The following TAFA2 variants were observed in gnomAD, a reference collection of about 807,000 sequenced individuals.
TAFA2 encodes the protein TAFA chemokine like family member 2.
In TAFA2, 7 loss-of-function variants were observed where a neutral mutation model predicts 18.8. The ratio of observed to expected loss-of-function variants is 0.37; its 90% CI spans 0.21 to 0.70. The LOEUF is 0.70. Ranked by LOEUF, TAFA2 falls within the 30% of genes least tolerant of loss-of-function variation. TAFA2 has a pLI of 0.53. For synonymous variants in TAFA2, 60 were observed against 54.2 expected (o/e 1.11, Z -0.47); for missense variants, 122 against 158.1 (o/e 0.77, Z 1.23).
intron 1 of TAFA2, among the ~76,000 whole-genome samples, chr12:62,108,826 A>T (rs1869585929): frequency 6.6e-6 from 1 of 152,018 alleles, no homozygotes; most frequent in Non-Finnish European, 1.5e-5. Flanking sequence ...CCACTTTTTG[A>T]AGGAGTTGTT....
intron 1 of TAFA2, among the ~76,000 whole-genome samples, chr12:62,083,914 T>G (rs1235560105): frequency 6.6e-6 from 1 of 152,186 alleles, no homozygotes; most frequent in Non-Finnish European, 1.5e-5. Context: ...CACACTGCTG[T>G]TATTTGGAGA....
chr12:62,160,641 G>A (rs773980307), intron 1 of TAFA2, among the ~76,000 whole-genome samples: 6 of 152,152 alleles, frequency 3.9e-5, no homozygotes, highest in African/African-American at 7.2e-5. Context: ...TATGACAGAC[G>A]CTTCTGACTT....
At chr12:62,024,281 A>G (rs751714917) in intron 1 of TAFA2, among the ~76,000 whole-genome samples, 53 of 152,182 alleles carry the variant, frequency 3.5e-4, no homozygotes, top group Admixed American at 6.5e-5. Context: ...ACCTGACTGT[A>G]GTATATTAAT....
chr12:62,205,556 A>G (rs1431258850), intron 1 of TAFA2, among the ~76,000 whole-genome samples: 1 of 152,112 alleles, frequency 6.6e-6, no homozygotes, highest in Non-Finnish European at 1.5e-5. Context: ...GGGAGGCCCC[A>G]CCCAGTGAGG....
intron 1 of TAFA2, among the ~76,000 whole-genome samples, chr12:62,151,828 G>T (rs11174352): frequency 0.056 from 8,485 of 152,206 alleles, 328 homozygotes; most frequent in South Asian, 0.1. Context: ...TATATTTACG[G>T]GGTTAAGAAT....
intron 1 of TAFA2, among the ~76,000 whole-genome samples, chr12:61,980,433 A>G (rs2136675799): frequency 6.6e-6 from 1 of 152,324 alleles, no homozygotes; most frequent in South Asian, 2.1e-4. Context: ...CTCCTATTCA[A>G]CAAAGTATTG....
intron 1 of TAFA2, among the ~76,000 whole-genome samples, chr12:62,098,887 T>C (rs1294548005): frequency 1.3e-5 from 2 of 152,200 alleles, no homozygotes; most frequent in African/African-American, 4.8e-5. Context: ...GATTTAGTTC[T>C]AGCAGCAGAA....
At chr12:61,925,684 T>A (rs1877258287) in intron 1 of TAFA2, among the ~76,000 whole-genome samples, 4 of 152,158 alleles carry the variant, frequency 2.6e-5, no homozygotes. Context: ...CCAGAATCTC[T>A]GTGACACAGC....
At chr12:62,198,276 T>G (rs2062657163) in intron 1 of TAFA2, 1 of 152,190 alleles carries the variant, frequency 6.6e-6, no homozygotes, top group Non-Finnish European at 1.5e-5. Flanking sequence ...CAGTCATTGA[T>G]TTTTTGTTTG....
chr12:62,173,742 A>G (rs967383887), intron 1 of TAFA2, among the ~76,000 whole-genome samples: 2 of 152,138 alleles, frequency 1.3e-5, no homozygotes, highest in African/African-American at 4.8e-5. Flanking sequence ...GAAATTCATC[A>G]TTTTCTTTAA....
chr12:61,870,561 AT>A (rs1203175029), intron 1 of TAFA2, among the ~76,000 whole-genome samples: 5 of 152,098 alleles, frequency 3.3e-5, no homozygotes, highest in African/African-American at 4.8e-5. Flanking sequence ...TCAGCAGAAT[AT>A]TTTTTTAAGC....
intron 1 of TAFA2, among the ~76,000 whole-genome samples, chr12:61,928,098 T>C (rs1018145833): frequency 6.6e-6 from 1 of 152,214 alleles, no homozygotes; most frequent in African/African-American, 2.4e-5. Context: ...GACATAGGCA[T>C]GGCCAAAGAC....
At chr12:62,136,373 T>C (rs903230174) in intron 1 of TAFA2, among the ~76,000 whole-genome samples, 1 of 152,144 alleles carries the variant, frequency 6.6e-6, no homozygotes, top group Non-Finnish European at 1.5e-5. Context: ...GTCTTCTTTA[T>C]GATTCTTCTG....
intron 2 of TAFA2, among the ~76,000 whole-genome samples, chr12:61,836,355 C>T (rs1872919539): frequency 6.6e-6 from 1 of 151,834 alleles, no homozygotes; most frequent in African/African-American, 2.4e-5. Context: ...GCTAAAGAAT[C>T]TGCATTCAGA....
chr12:61,749,142 G>A (rs1192734568), intron 4 of TAFA2, among the ~76,000 whole-genome samples: 1 of 151,836 alleles, frequency 6.6e-6, no homozygotes, highest in South Asian at 2.1e-4. Flanking sequence ...GTGTGGTGGG[G>A]CATGCCAGTA....
chr12:61,884,289 C>T (rs1458696685), intron 1 of TAFA2, among the ~76,000 whole-genome samples: 1 of 152,122 alleles, frequency 6.6e-6, no homozygotes, highest in East Asian at 1.9e-4. Context: ...ACCAGCGAGG[C>T]ACTGGGGGAC....
chr12:62,180,497 T>C (rs1020214336), intron 1 of TAFA2, among the ~76,000 whole-genome samples: 6 of 152,184 alleles, frequency 3.9e-5, no homozygotes, highest in Non-Finnish European at 7.4e-5. Context: ...TCTTTTAAAA[T>C]ACATGCAAAG....
In TAFA2 at chr12:61,753,702, G is replaced by C; in HGVS notation, c.304C>G (p.Leu102Val). 1.9e-6 allele frequency: 3 copies of C among 1,612,350 alleles called. No individual in the cohort carries two copies. In the South Asian group the frequency reaches 3.3e-5, roughly 18 times the overall value. Residue 102 changes from leucine (L) to valine (V), a missense_variant, in exon 4 of 5, where the codon CTA becomes GTA. Physicochemically the swap from Leu to Val is conservative, Grantham distance 32 (BLOSUM62 1). Coordinates refer to ENST00000416284, the MANE Select transcript of TAFA2 (RefSeq NM_178539.5). ...QKWWCHMQPCLEGEECKVLPD... is the reference protein window; with the variant it reads ...QKWWCHMQPCVEGEECKVLPD... ...AGAACTTTACATTCTTCTCCCTCTAGACATGGCTGCATATGGCACCACCAT... is the reference window on the plus strand; with the variant it reads ...AGAACTTTACATTCTTCTCCCTCTACACATGGCTGCATATGGCACCACCAT...
chr12:61,985,328 G>A (rs1052518930), intron 1 of TAFA2, among the ~76,000 whole-genome samples: 12 of 152,220 alleles, frequency 7.9e-5, no homozygotes, highest in African/African-American at 1.4e-4. Context: ...TTATACTTTC[G>A]CTCATGGGAG....
Sources: allele counts gnomAD v4.1 joint callset (sites outside exome capture counted in the v4.1 genomes callset), GRCh38; gene constraint gnomAD v4.1.1; transcripts MANE v1.5; gene names NCBI Gene and HGNC (gene_info 2026-07-23, HGNC 2026-07-21).